The following GFRAL variants were observed in gnomAD, a reference collection of about 807,000 sequenced individuals.
The protein encoded by GFRAL is GDNF family receptor alpha like, also known as GDNF family receptor alpha-like.
Under a neutral mutation model 45.4 loss-of-function variants are expected in GFRAL, and 36 were observed. The ratio of observed to expected loss-of-function variants is 0.79; its 90% CI spans 0.61 to 1.05. GFRAL has a LOEUF of 1.05. GFRAL is among the 50% of genes least tolerant of loss of function. The pLI is 0.00. For missense variants in GFRAL, 507 were observed against 467.5 expected (o/e 1.08, Z -0.78); for synonymous variants, 166 against 154.1 (o/e 1.08, Z -0.57).
chr6:55,331,423 G>C (rs1411954466), intron 1 of GFRAL, among the ~76,000 whole-genome samples: 1 of 152,052 alleles, frequency 6.6e-6, no homozygotes, highest in African/African-American at 2.4e-5. Flanking sequence ...GGTAATTAGA[G>C]ACTTTTTTAA....
intron 6 of GFRAL, among the ~76,000 whole-genome samples, chr6:55,363,720 GAA>G (rs1253598291): frequency 6.6e-6 from 1 of 150,898 alleles, no homozygotes; most frequent in Non-Finnish European, 1.5e-5. Context: ...AGTTTACTGA[GAA>G]TGATGATTTC....
intron 6 of GFRAL, among the ~76,000 whole-genome samples, chr6:55,365,377 A>G (rs12179099): frequency 0.082 from 9,693 of 118,424 alleles, 217 homozygotes; most frequent in African/African-American, 0.13. Flanking sequence ...CAATCATGTC[A>G]TCTGCAAACA....
chr6:55,384,935 A>G (rs115006502), intron 6 of GFRAL, among the ~76,000 whole-genome samples: 2,301 of 151,588 alleles, frequency 0.015, 34 homozygotes, highest in Non-Finnish European at 0.025. Context: ...TGCTGATGGT[A>G]TACTTGGGAC....
At chr6:55,374,782 T>C (rs1437534794) in intron 6 of GFRAL, among the ~76,000 whole-genome samples, 1 of 152,150 alleles carries the variant, frequency 6.6e-6, no homozygotes, top group Admixed American at 6.6e-5. Context: ...CTTTAAGCCA[T>C]CTTGAGTTAA....
intron 6 of GFRAL, among the ~76,000 whole-genome samples, chr6:55,362,271 A>G (rs1768285333): frequency 1.4e-5 from 2 of 143,756 alleles, no homozygotes; most frequent in South Asian, 4.4e-4. Flanking sequence ...GTGAAATGAT[A>G]ATGAAAAAAA....
intron 2 of GFRAL, among the ~76,000 whole-genome samples, chr6:55,332,512 C>T (rs533510115): frequency 5.9e-5 from 9 of 152,024 alleles, no homozygotes; most frequent in East Asian, 1.9e-4. Context: ...CTCCGCCTCC[C>T]GGGTTCAAAC....
Position 55,333,927 on chromosome 6 carries a change from A to G in GFRAL, c.299A>G (p.Lys100Arg). Residue 100 changes from lysine to arginine, a missense_variant, in exon 3 of 9, where the codon AAA becomes AGA. Coordinates refer to ENST00000340465, the MANE Select transcript of GFRAL (RefSeq NM_207410.2). ...YCTVNKLLGK[K>R]CINKSDNVKE... ...ACTGTGAACAAACTGCTTGGAAAAA[A>G]ATGTATCAATAAATCAGGTAATATT... 1 of 1,543,192 alleles carries G rather than the reference A, an allele frequency of 6.5e-7. No homozygotes were observed. Among genetic ancestry groups the G allele is most frequent in the Non-Finnish European group, 8.7e-7 (1 of 1,143,862 alleles).
chr6:55,353,657 AT>A (rs1211956358), intron 5 of GFRAL, among the ~76,000 whole-genome samples: 4 of 152,064 alleles, frequency 2.6e-5, no homozygotes, highest in Non-Finnish European at 5.9e-5. Context: ...TATTAGAGAA[AT>A]ACTACATTTC....
chr6:55,361,343 C>T (rs1768272757), intron 6 of GFRAL, among the ~76,000 whole-genome samples: 2 of 151,740 alleles, frequency 1.3e-5, no homozygotes, highest in African/African-American at 2.4e-5. Context: ...TGTTCAAGTC[C>T]CTGATATAAA....
intron 6 of GFRAL, among the ~76,000 whole-genome samples, chr6:55,380,844 T>G (rs1247909776): frequency 6.6e-6 from 1 of 152,008 alleles, no homozygotes; most frequent in Non-Finnish European, 1.5e-5. Flanking sequence ...AGCTTTTCCT[T>G]GCTTTATTGG....
chr6:55,356,081 G>A (rs1449464443), intron 5 of GFRAL, among the ~76,000 whole-genome samples: 1 of 151,858 alleles, frequency 6.6e-6, no homozygotes, highest in Non-Finnish European at 1.5e-5. Flanking sequence ...ATCCCACGTG[G>A]TCATGATGAA....
intron 3 of GFRAL, 146 bp from the exon 4 acceptor site, chr6:55,349,946 A>C: frequency 3.1e-6 from 2 of 640,666 alleles, no homozygotes; most frequent in South Asian, 3.3e-5. Flanking sequence ...TTTGAATATC[A>C]AGGGCTAAAT....
intron 3 of GFRAL, among the ~76,000 whole-genome samples, chr6:55,348,036 A>G (rs957912908): frequency 2.6e-5 from 4 of 152,150 alleles, no homozygotes; most frequent in African/African-American, 9.7e-5. Context: ...AAGAAGATGT[A>G]TGGAAGTACT....
intron 8 of GFRAL, among the ~76,000 whole-genome samples, chr6:55,401,587 A>G (rs964989194): frequency 3.3e-5 from 5 of 152,246 alleles, no homozygotes; most frequent in Non-Finnish European, 7.3e-5. Context: ...CTTTTTAAAA[A>G]ATGATTACTT....
intron 6 of GFRAL, among the ~76,000 whole-genome samples, chr6:55,369,074 C>T (rs1203489058): frequency 6.6e-6 from 1 of 151,228 alleles, no homozygotes; most frequent in Non-Finnish European, 1.5e-5. Flanking sequence ...TCTCAGACTG[C>T]TGTGCTAGCA....
intron 6 of GFRAL, among the ~76,000 whole-genome samples, chr6:55,363,300 C>T (rs1380317391): frequency 1.3e-5 from 2 of 151,928 alleles, no homozygotes; most frequent in African/African-American, 4.8e-5. Flanking sequence ...CCAAACATGT[C>T]TCCTTTACTC....
intron 6 of GFRAL, among the ~76,000 whole-genome samples, chr6:55,374,274 A>T (rs1768495392): frequency 6.6e-6 from 1 of 152,088 alleles, no homozygotes; most frequent in African/African-American, 2.4e-5. Context: ...CAGTAGTGGG[A>T]TTGCTGGGTC....
At chr6:55,338,884 T>C (rs559259333) in intron 3 of GFRAL, among the ~76,000 whole-genome samples, 1 of 152,286 alleles carries the variant, frequency 6.6e-6, no homozygotes, top group African/African-American at 2.4e-5. Context: ...CTTTAAACCG[T>C]TGCTATGAGG....
At chr6:55,344,305 C>T (rs1768009859) in intron 3 of GFRAL, among the ~76,000 whole-genome samples, 2 of 152,128 alleles carry the variant, frequency 1.3e-5, no homozygotes, top group African/African-American at 4.8e-5. Context: ...TACTGGCAAA[C>T]CGAATCCAGC....
Sources: allele counts gnomAD v4.1 joint callset (sites outside exome capture counted in the v4.1 genomes callset), GRCh38; gene constraint gnomAD v4.1.1; transcripts MANE v1.5; gene names NCBI Gene and HGNC (gene_info 2026-07-23, HGNC 2026-07-21).